Variants in YLPM1 observed in about 807,000 individuals in gnomAD.
The protein encoded by YLPM1 is YLP motif-containing protein 1.
In YLPM1, 99 loss-of-function variants were observed where a neutral mutation model predicts 230.0. The ratio of observed to expected loss-of-function variants is 0.43; its 90% CI spans 0.37 to 0.51. The LOEUF is 0.51. YLPM1 is among the 20% of genes least tolerant of loss of function. The pLI, the probability that YLPM1 is intolerant of heterozygous loss-of-function variation, is 0.00. For missense variants in YLPM1, 2,592 were observed against 2,707.7 expected (o/e 0.96, Z 0.95); for synonymous variants, 984 against 942.5 (o/e 1.04, Z -0.81).
chr14:74,825,959 G>T (rs12888998), intron 18 of YLPM1, among the ~76,000 whole-genome samples: 53,556 of 151,870 alleles, frequency 0.35, 11,405 homozygotes, highest in East Asian at 0.54. Context: ...ATTCTGGCCC[G>T]TCTACCATTT....
chr14:74,770,781 C>A (rs11849512), intron 1 of YLPM1, among the ~76,000 whole-genome samples: 22,201 of 152,086 alleles, frequency 0.15, 1,767 homozygotes, highest in South Asian at 0.29. Context: ...AGTTGGAAGC[C>A]ATTGAAGGAT....
At chr14:74,807,101 A>G (rs1010440310) in intron 6 of YLPM1, among the ~76,000 whole-genome samples, 3 of 152,184 alleles carry the variant, frequency 2.0e-5, no homozygotes, top group Non-Finnish European at 4.4e-5. Flanking sequence ...CTTTAACTGT[A>G]GCCAGTAGTT....
intron 4 of YLPM1, among the ~76,000 whole-genome samples, chr14:74,787,149 TTA>T (rs200806949): frequency 0.013 from 1,976 of 152,338 alleles, 20 homozygotes; most frequent in Middle Eastern, 0.031. Flanking sequence ...TGACTAGGTT[TTA>T]TGTCTTACTG....
At chr14:74,785,489 A>G (rs2091139084) in intron 4 of YLPM1, among the ~76,000 whole-genome samples, 1 of 152,304 alleles carries the variant, frequency 6.6e-6, no homozygotes, top group Admixed American at 6.5e-5. Flanking sequence ...TTACCCAGGC[A>G]TAGTTCTTTT....
rs572941326 is a variant in YLPM1, at chr14:74,769,675, G to A, written c.873+5313G>A. On this transcript the variant is annotated intron_variant, in intron 1 of 20. Transcript: ENST00000325680. ...CCTGACCTCGTGATCCACCTGCTAC[G>A]GCCTCCCAAAGTGCTGGGATTACAG... Among the ~76,000 whole-genome samples, 4 of 150,604 alleles carry A rather than the reference G, an allele frequency of 2.7e-5. No homozygotes were observed. The South Asian group carries it at 6.3e-4, about 24-fold the overall frequency.
intron 4 of YLPM1, among the ~76,000 whole-genome samples, chr14:74,784,388 G>A (rs981367341): frequency 2.0e-5 from 3 of 152,212 alleles, no homozygotes; most frequent in South Asian, 2.1e-4. Context: ...GTCACAATGA[G>A]TCTTGCACAT....
rs758782169 is a variant in YLPM1 at position 74,812,661 on chromosome 14, C to T, written c.5381C>T (p.Pro1794Leu). ...AGGACTTATCCTGAGGAGCGAATGC[C>T]TCTGCCAGCTCCTTCACTGAGCCAC... ...ERRTYPEERM[P>L]LPAPSLSHQP... The change falls in exon 11 of 21, where the codon CCT (proline) becomes CTT (leucine). Residue 1794 changes from proline to leucine, a missense_variant. Transcript: ENST00000325680. 6.2e-7 allele frequency: 1 copy of T among 1,613,560 alleles called. No homozygotes were observed. The highest frequency in any genetic ancestry group is 8.5e-7 in the Non-Finnish European group (1 of 1,179,732).
Position 74,798,727 on chromosome 14 carries a change from A to G in YLPM1, c.3430A>G (p.Arg1144Gly). The change falls in exon 5 of 21, where the codon AGA becomes GGA. Residue 1144 changes from arginine to glycine, a missense_variant. By Grantham distance (125) the Arg-to-Gly change is moderately radical. Coordinates refer to ENST00000325680, the MANE Select transcript of YLPM1 (RefSeq NM_019589.3). ...IPPRRAGSRE[R>G]GPPRGPGSRE... Reference sequence around the variant, plus strand: ...ACCCCGAAGAGCTGGGAGCAGGGAGAGAGGACCACCTCGAGGGCCTGGCAG... The same window carrying G: ...ACCCCGAAGAGCTGGGAGCAGGGAGGGAGGACCACCTCGAGGGCCTGGCAG... The G allele has an allele frequency of 6.2e-7, 1 of 1,612,758 alleles. No individual in the cohort carries two copies. Among genetic ancestry groups the G allele is most frequent in the Non-Finnish European group, 8.5e-7 (1 of 1,179,128 alleles).
At chr14:74,816,399 G>A in intron 12 of YLPM1, 134 bp downstream of exon 12, 1 of 1,248,782 alleles carries the variant, frequency 8.0e-7, no homozygotes, top group Non-Finnish European at 1.1e-6. Context: ...TGGCCCATGT[G>A]GTAGATGTTG....
At chr14:74,813,237 C>A (rs1449463727) in intron 11 of YLPM1, among the ~76,000 whole-genome samples, 1 of 152,170 alleles carries the variant, frequency 6.6e-6, no homozygotes, top group Admixed American at 6.5e-5. Flanking sequence ...TATTTTAATT[C>A]CATATATACA....
intron 19 of YLPM1, among the ~76,000 whole-genome samples, chr14:74,833,504 C>T (rs1006012457): frequency 2.6e-5 from 4 of 152,182 alleles, no homozygotes; most frequent in African/African-American, 4.8e-5. Flanking sequence ...CTGCCGGCCT[C>T]GGCCTCCCAA....
At chr14:74,818,392 A>G (rs2091495967) in intron 16 of YLPM1, 78 bp downstream of exon 16, 1 of 1,249,356 alleles carries the variant, frequency 8.0e-7, no homozygotes, top group Non-Finnish European at 1.1e-6. Context: ...CTTAAAACCT[A>G]CAGAAAAGTT....
rs747798846 is a variant in YLPM1, at chr14:74,799,468, C to T, written c.4171C>T (p.Pro1391Ser). 7 of 1,613,936 alleles carry T rather than the reference C, an allele frequency of 4.3e-6. No homozygotes were observed. In the South Asian group the frequency reaches 5.5e-5, roughly 13 times the overall value. ...DTWREKRDYVPDRMDWERERL... is the reference protein window; with the variant it reads ...DTWREKRDYVSDRMDWERERL... Reference sequence around the variant, plus strand: ...ATGGCGGGAAAAGCGAGATTATGTTCCTGACAGAATGGACTGGGAAAGAGA... The same window carrying T: ...ATGGCGGGAAAAGCGAGATTATGTTTCTGACAGAATGGACTGGGAAAGAGA... Residue 1391 changes from proline (P) to serine (S), a missense_variant, in exon 5 of 21, where the codon CCT (proline) becomes TCT (serine). Around this residue, in one of 4 missense-constraint regions of YLPM1, gnomAD observed 1,862 missense variants for 1,819.8 expected, o/e 1.02. Coordinates refer to ENST00000325680, the MANE Select transcript of YLPM1 (RefSeq NM_019589.3).
intron 4 of YLPM1, among the ~76,000 whole-genome samples, chr14:74,791,927 A>G (rs2091211074): frequency 6.6e-6 from 1 of 152,238 alleles, no homozygotes; most frequent in Admixed American, 6.5e-5. Flanking sequence ...TAACATGTTA[A>G]TAAGGTCTCT....
intron 2 of YLPM1, among the ~76,000 whole-genome samples, chr14:74,779,667 G>T (rs1215484735): frequency 6.7e-6 from 1 of 150,164 alleles, no homozygotes; most frequent in Non-Finnish European, 1.5e-5. Flanking sequence ...TTCCAGACAG[G>T]GTCTCACTCT....
intron 4 of YLPM1, among the ~76,000 whole-genome samples, chr14:74,786,034 T>G (rs1016885213): frequency 6.6e-6 from 1 of 152,122 alleles, no homozygotes; most frequent in East Asian, 1.9e-4. Flanking sequence ...GTGCACAATT[T>G]TAAGTGTTCA....
intron 19 of YLPM1, 191 bp from the exon 20 acceptor site, chr14:74,835,074 G>T (rs1289542834): frequency 6.3e-6 from 4 of 639,902 alleles, no homozygotes; most frequent in East Asian, 2.9e-5. Context: ...TTAGGACTTG[G>T]ATTGTCCAGA....
intron 1 of YLPM1, among the ~76,000 whole-genome samples, chr14:74,766,883 C>CTTTTT (rs1158275487): frequency 1.5e-5 from 2 of 131,172 alleles, no homozygotes; most frequent in Admixed American, 7.8e-5. Flanking sequence ...AAGACCTTTT[C>CTTTTT]TTTTTTTTTT....
intron 4 of YLPM1, among the ~76,000 whole-genome samples, chr14:74,796,648 T>C (rs2091263864): frequency 6.6e-6 from 1 of 152,224 alleles, no homozygotes; most frequent in South Asian, 2.1e-4. Flanking sequence ...ATAAAGGATG[T>C]GTACTTTCTT....
Sources: gnomAD v4.1 joint callset for allele counts (sites outside exome capture counted in the v4.1 genomes callset) on GRCh38, gnomAD v4.1.1 for gene constraint, gnomAD v4.1.1 regional missense constraint, MANE v1.5 for transcripts, NCBI Gene and HGNC (gene_info 2026-07-23, HGNC 2026-07-21) for gene names.